Variants in TNPO3 observed in about 807,000 individuals in gnomAD.
The protein encoded by TNPO3 is transportin-3.
In TNPO3, 65 loss-of-function variants were observed where a neutral mutation model predicts 122.8. The observed-to-expected ratio is 0.53, with a 90% CI of 0.43 to 0.65. The LOEUF (loss-of-function observed/expected upper bound fraction) is 0.65. TNPO3 is among the 30% of genes least tolerant of loss of function. The pLI is 0.00. For missense variants in TNPO3, 850 were observed against 1,136.7 expected (o/e 0.75, Z 3.63); for synonymous variants, 372 against 411.2 (o/e 0.90, Z 1.15).
chr7:129,047,468 C>T (rs866803494), intron 1 of TNPO3, among the ~76,000 whole-genome samples: 3 of 152,176 alleles, frequency 2.0e-5, no homozygotes, highest in Non-Finnish European at 2.9e-5. Context: ...TGATATCTAT[C>T]TATCACATAA....
chr7:129,036,156 T>C (rs1806645416), intron 1 of TNPO3, among the ~76,000 whole-genome samples: 1 of 152,054 alleles, frequency 6.6e-6, no homozygotes, highest in African/African-American at 2.4e-5. Flanking sequence ...GGTTTCACCA[T>C]ATTGGCCAGG....
At chr7:129,015,526 T>C (rs1285752398) in intron 3 of TNPO3, among the ~76,000 whole-genome samples, 1 of 152,174 alleles carries the variant, frequency 6.6e-6, no homozygotes, top group East Asian at 1.9e-4. Flanking sequence ...TTGTTAATAG[T>C]GGTTGCTTAT....
In TNPO3 at chr7:128,979,077, T is replaced by C; in HGVS notation, c.1967A>G (p.Asn656Ser). 1 of 1,614,192 alleles carries C rather than the reference T, an allele frequency of 6.2e-7. No homozygotes were observed. The highest frequency in any genetic ancestry group is 8.5e-7 in the Non-Finnish European group (1 of 1,180,030). ...SETLNKHRAD[N>S]RIVERCCRCL... ...CCTGCAACAACGCTCTACAATCCGA[T>C]TATCAGCTCGGTGCTTATTTAGAGT... Residue 656 changes from asparagine to serine, a missense_variant, in exon 16 of 23, where the codon AAT (asparagine) becomes AGT (serine). By Grantham distance (46) the Asn-to-Ser change is conservative. Coordinates refer to ENST00000265388, the MANE Select transcript of TNPO3 (RefSeq NM_012470.4).
intron 12 of TNPO3, 52 bp downstream of exon 12, chr7:128,986,676 AC>A (rs1487624822): frequency 1.3e-6 from 2 of 1,498,442 alleles, no homozygotes; most frequent in African/African-American, 2.8e-5. Flanking sequence ...ATGTAAGATT[AC>A]CCCAGGTAGT....
intron 21 of TNPO3, among the ~76,000 whole-genome samples, chr7:128,961,953 A>G (rs1389918177): frequency 1.3e-5 from 2 of 152,220 alleles, no homozygotes; most frequent in Non-Finnish European, 2.9e-5. Flanking sequence ...AAATGATGGC[A>G]GGGTTTCTTC....
At chr7:129,025,590 T>A (rs1362910235) in intron 1 of TNPO3, among the ~76,000 whole-genome samples, 1 of 152,008 alleles carries the variant, frequency 6.6e-6, no homozygotes, top group Non-Finnish European at 1.5e-5. Context: ...TCTTTTTTTA[T>A]AAAAATGGGA....
chr7:129,000,663 G>T, intron 6 of TNPO3, 96 bp from the exon 7 acceptor site: 1 of 1,231,236 alleles, frequency 8.1e-7, no homozygotes, highest in Non-Finnish European at 1.1e-6. Context: ...AGGTTCCTCA[G>T]TCTAAGGGAC....
chr7:129,000,721 C>A (rs1801851165), intron 6 of TNPO3, among the ~76,000 whole-genome samples, 154 bp from the exon 7 acceptor site: 2 of 152,160 alleles, frequency 1.3e-5, no homozygotes, highest in African/African-American at 4.8e-5. Context: ...ATGACAGACA[C>A]CTTTACCTAG....
intron 19 of TNPO3, chr7:128,971,122 A>AC (rs1387727183): frequency 6.6e-6 from 1 of 151,334 alleles, no homozygotes; most frequent in Non-Finnish European, 1.5e-5. Context: ...AAAAAAAAAA[A>AC]ACCCTTTTTT....
chr7:128,969,449 G>C (rs1353778206), intron 20 of TNPO3, among the ~76,000 whole-genome samples: 1 of 147,514 alleles, frequency 6.8e-6, no homozygotes, highest in African/African-American at 2.4e-5. Context: ...GTCCCAATGA[G>C]TACTTTCCTG....
At position 129,000,575 on chromosome 7, in the gene TNPO3, A is replaced by C; in HGVS notation, c.873-8T>G. ...CGGCAGTAATTCAGAACTCTGTAGAAGACAGGGGAATGAGAACAATGAGTC... is the reference window on the plus strand; with the variant it reads ...CGGCAGTAATTCAGAACTCTGTAGACGACAGGGGAATGAGAACAATGAGTC... On this transcript the variant is annotated splice_polypyrimidine_tract_variant and splice_region_variant and intron_variant, in intron 6 of 22. Transcript: ENST00000265388. 6.2e-7 allele frequency: 1 copy of C among 1,611,218 alleles called. No homozygotes were observed. Among genetic ancestry groups the C allele is most frequent in the Non-Finnish European group, 8.5e-7 (1 of 1,178,542 alleles).
intron 4 of TNPO3, 79 bp downstream of exon 4, chr7:129,014,878 TTTTGCAAAGAAAGCTATTTCAC>T: frequency 8.4e-7 from 1 of 1,193,154 alleles, no homozygotes; most frequent in Non-Finnish European, 1.2e-6. Context: ...CATCATTAAA[TTTTGCAAAGAAAGCTATTTCAC>T]AATAATGCAA....
upstream of TNPO3, chr7:129,055,989 A>C (rs1809421067): frequency 1.2e-6 from 1 of 810,742 alleles, no homozygotes; most frequent in Non-Finnish European, 2.1e-6. Context: ...AGGCGCTGAC[A>C]CTGACCTACA....
chr7:129,028,340 T>C (rs539110632), intron 1 of TNPO3, among the ~76,000 whole-genome samples: 71 of 152,166 alleles, frequency 4.7e-4, no homozygotes, highest in Non-Finnish European at 7.2e-4. Flanking sequence ...CCAAAACTTA[T>C]AGAATGCAGC....
chr7:128,973,477 C>T (rs1451273779), intron 18 of TNPO3, among the ~76,000 whole-genome samples: 2 of 152,078 alleles, frequency 1.3e-5, no homozygotes, highest in Non-Finnish European at 2.9e-5. Context: ...TGGCTCAGGC[C>T]TGTAATCCCA....
intron 19 of TNPO3, 150 bp downstream of exon 19, chr7:128,972,276 T>C (rs1347687605): frequency 7.2e-6 from 6 of 835,050 alleles, no homozygotes; most frequent in Non-Finnish European, 1.1e-5. Context: ...TCTTAGTTGA[T>C]ATTTTGGCTA....
intron 4 of TNPO3, among the ~76,000 whole-genome samples, chr7:129,008,037 T>C (rs1257346068): frequency 1.3e-5 from 2 of 151,784 alleles, no homozygotes; most frequent in Non-Finnish European, 2.9e-5. Flanking sequence ...TAATCCCAGC[T>C]ACTCAGGAGG....
At chr7:129,001,419 T>A (rs1199435577) in intron 5 of TNPO3, among the ~76,000 whole-genome samples, 185 bp from the exon 6 acceptor site, 1 of 152,254 alleles carries the variant, frequency 6.6e-6, no homozygotes, top group Non-Finnish European at 1.5e-5. Context: ...ACATAGCATT[T>A]ACATTGTATT....
intron 13 of TNPO3, 33 bp from the exon 14 acceptor site, chr7:128,982,357 G>T (rs951672805): frequency 7.6e-6 from 12 of 1,589,312 alleles, no homozygotes; most frequent in Non-Finnish European, 8.6e-6. Flanking sequence ...ACACCCAATT[G>T]TCACATGTAC....
Sources: gnomAD v4.1 joint callset for allele counts (sites outside exome capture counted in the v4.1 genomes callset) on GRCh38, gnomAD v4.1.1 for gene constraint, MANE v1.5 for transcripts, NCBI Gene and HGNC (gene_info 2026-07-23, HGNC 2026-07-21) for gene names.